CSF1: variants seen among roughly 807,000 people sequenced by gnomAD.
The protein encoded by CSF1 is macrophage colony-stimulating factor 1.
Under a neutral mutation model 48.9 loss-of-function variants are expected in CSF1, and 9 were observed. The observed-to-expected ratio is 0.18, with a 90% CI of 0.11 to 0.32. The LOEUF (loss-of-function observed/expected upper bound fraction) is 0.32. CSF1 is among the 10% of genes least tolerant of loss of function. CSF1 has a pLI of 1.00. For missense variants in CSF1, 672 were observed against 697.9 expected, an observed-to-expected ratio of 0.96 and a Z score of 0.42; for synonymous variants, 305 against 284.1, an observed-to-expected ratio of 1.07 and a Z score of -0.74.
At chr1:109,915,846 G>A (rs1654878538) in intron 3 of CSF1, 150 bp downstream of exon 3, 2 of 698,814 alleles carry the variant, frequency 2.9e-6, no homozygotes, top group Admixed American at 4.3e-5. Flanking sequence ...TGGGGTGCCA[G>A]GATCCAGGGC....
rs1210274366 is a variant in CSF1, at chr1:109,923,763, A to G, written c.1142A>G (p.Asn381Ser). Residue 381 changes from asparagine (N) to serine (S), a missense_variant, in exon 6 of 9, where the codon AAT (asparagine) becomes AGT (serine). Asn to Ser is a conservative substitution (Grantham distance 46). Around this residue, in one of 3 missense-constraint regions of CSF1, gnomAD observed 591 missense variants for 593.6 expected, o/e 1.00. Transcript: ENST00000329608. Reference protein sequence around the residue: ...GPVRPTGQDWNHTPQKTDHPS... With the variant: ...GPVRPTGQDWSHTPQKTDHPS... ...GTGAGGCCCACTGGCCAGGACTGGA[A>G]TCACACCCCCCAGAAGACAGACCAT... 2.5e-6 allele frequency: 4 copies of G among 1,608,790 alleles called. No homozygotes were observed. The highest frequency in any genetic ancestry group is 2.5e-6 in the Non-Finnish European group (3 of 1,177,418).
At chr1:109,924,463 G>C (rs959686766) in intron 6 of CSF1, among the ~76,000 whole-genome samples, 3 of 152,208 alleles carry the variant, frequency 2.0e-5, no homozygotes, top group Admixed American at 6.5e-5. Context: ...ATCCAGACGG[G>C]CAGGGAGCTG....
chr1:109,914,651 C>T (rs1274668911), intron 2 of CSF1, among the ~76,000 whole-genome samples: 1 of 152,250 alleles, frequency 6.6e-6, no homozygotes, highest in African/African-American at 2.4e-5. Context: ...TTAGTGATTG[C>T]CCAGGAACAT....
chr1:109,923,716 C>A lies in CSF1; in HGVS notation c.1095C>A (p.Thr365=), dbSNP rs333970. 936,012 of 1,612,420 alleles carry A rather than the reference C, an allele frequency of 0.58. 279,656 individuals carry two copies. The highest frequency in any genetic ancestry group is 0.61 in the Non-Finnish European group (718,208 of 1,179,144). ...KGQQPADVTG[T]ALPRVGPVRP... Reference sequence around the variant, plus strand: ...AACAGCCGGCAGATGTAACTGGTACCGCCTTGCCCAGGGTGGGCCCCGTGA... The same window carrying A: ...AACAGCCGGCAGATGTAACTGGTACAGCCTTGCCCAGGGTGGGCCCCGTGA... Residue 365 remains threonine (T), a synonymous_variant, in exon 6 of 9, where the codon ACC becomes ACA. Coordinates refer to ENST00000329608, the MANE Select transcript of CSF1 (RefSeq NM_000757.6).
Position 109,910,898 on chromosome 1 carries a change from A to G in CSF1, c.-126A>G, listed in dbSNP as rs943016001. The stretch of plus-strand genomic sequence containing the variant: ...AGTTTGCCTGGGTCCTCTCGGCGCC[A>G]GAGCCGCTCTCCGCATCCCAGGACA... On this transcript the variant is annotated 5_prime_UTR_variant, in exon 1 of 9. Coordinates refer to ENST00000329608, the MANE Select transcript of CSF1 (RefSeq NM_000757.6). The G allele has an allele frequency of 3.1e-6, 2 of 649,702 alleles. No individual in the cohort carries two copies. Among genetic ancestry groups the G allele is most frequent in the African/African-American group, 3.9e-5 (2 of 50,782 alleles). The allele number at this position is 649,702 out of a possible 1,614,324, so 40.2% of individuals were successfully genotyped here.
intron 4 of CSF1, among the ~76,000 whole-genome samples, chr1:109,920,240 T>C (rs1416969480): frequency 6.6e-6 from 1 of 151,538 alleles, no homozygotes. Context: ...ATGAGAAGAC[T>C]GGGCTCAGCT....
chr1:109,913,778 G>A (rs1350302832), intron 1 of CSF1, among the ~76,000 whole-genome samples: 8 of 152,250 alleles, frequency 5.3e-5, no homozygotes, highest in Admixed American at 5.2e-4. Flanking sequence ...CATGGAACCA[G>A]GTGGGAGGAA....
intron 8 of CSF1, among the ~76,000 whole-genome samples, chr1:109,925,635 C>A (rs574490923): frequency 1.2e-4 from 18 of 152,182 alleles, no homozygotes; most frequent in Admixed American, 2.0e-4. Flanking sequence ...GATCGCCACC[C>A]CCGCACCAGT....
At chr1:109,924,739 C>A in intron 6 of CSF1, 37 bp from the exon 7 acceptor site, 2 of 1,556,610 alleles carry the variant, frequency 1.3e-6, no homozygotes, top group Non-Finnish European at 1.7e-6. Context: ...CCCACACTCC[C>A]CCAGCTCCTC....
chr1:109,928,453 G>T (rs544061831), intron 8 of CSF1, among the ~76,000 whole-genome samples: 4 of 152,314 alleles, frequency 2.6e-5, no homozygotes, highest in Non-Finnish European at 5.9e-5. Context: ...ATCACCCTTT[G>T]TTCACTGGAC....
chr1:109,918,061 G>A (rs1027674233), intron 4 of CSF1, among the ~76,000 whole-genome samples: 1 of 152,224 alleles, frequency 6.6e-6, no homozygotes, highest in African/African-American at 2.4e-5. Flanking sequence ...GAGAGCAACA[G>A]GGAACTCAGA....
intron 4 of CSF1, 145 bp downstream of exon 4, chr1:109,917,608 C>G: frequency 1.2e-6 from 1 of 845,374 alleles, no homozygotes; most frequent in Non-Finnish European, 1.9e-6. Flanking sequence ...ATCCCACCAA[C>G]CTTTACCAGG....
At chr1:109,920,531 C>A (rs1647482663) in intron 4 of CSF1, among the ~76,000 whole-genome samples, 1 of 152,146 alleles carries the variant, frequency 6.6e-6, no homozygotes, top group Non-Finnish European at 1.5e-5. Flanking sequence ...GTTGGTCAGG[C>A]TGATCTCGAA....
At position 109,914,378 on chromosome 1, in the gene CSF1, G is replaced by A; in HGVS notation, c.159G>A (p.Arg53=). Residue 53 remains arginine, a synonymous_variant, in exon 2 of 9, where the codon CGG becomes CGA. Coordinates refer to ENST00000329608, the MANE Select transcript of CSF1 (RefSeq NM_000757.6). The part of the protein sequence containing the change: ...IGSGHLQSLQ[R]LIDSQMETSC... ...GTGGACACCTGCAGTCTCTGCAGCG[G>A]CTGGTGAGTGTGTGGCCATGCTGTA... The A allele has an allele frequency of 6.3e-7, 1 of 1,597,634 alleles. No homozygotes were observed. The highest frequency in any genetic ancestry group is 8.5e-7 in the Non-Finnish European group (1 of 1,171,926).
In CSF1 at chr1:109,915,638, A is replaced by C. The variant is rs1654868107; in HGVS notation, c.167A>C (p.Asp56Ala). ...TTGGCCTGCTCTCTCTTACAGATTG[A>C]CAGTCAGATGGAGACCTCGTGCCAA... The part of the protein sequence containing the change: ...GHLQSLQRLI[D>A]SQMETSCQIT... The change falls in exon 3 of 9, where the codon GAC becomes GCC. Residue 56 changes from aspartate to alanine, a missense_variant. Around this residue, in one of 3 missense-constraint regions of CSF1, gnomAD observed 28 missense variants for 58.8 expected, o/e 0.48. Transcript: ENST00000329608. 6.2e-7 allele frequency: 1 copy of C among 1,613,624 alleles called. No individual in the cohort carries two copies. Among genetic ancestry groups the C allele is most frequent in the Admixed American group, 1.7e-5 (1 of 59,998 alleles).
intron 1 of CSF1, among the ~76,000 whole-genome samples, chr1:109,911,565 A>C (rs1456962069): frequency 6.7e-6 from 1 of 150,104 alleles, no homozygotes; most frequent in Non-Finnish European, 1.5e-5. Flanking sequence ...TTGCTGGCAG[A>C]GGGACGGAGA....
intron 8 of CSF1, among the ~76,000 whole-genome samples, chr1:109,927,993 G>T (rs933601763): frequency 9.9e-5 from 15 of 152,206 alleles, no homozygotes; most frequent in Admixed American, 2.0e-4. Flanking sequence ...TCCCTCTAGA[G>T]CATGGGAATG....
chr1:109,923,445 G>A lies in CSF1; in HGVS notation c.824G>A (p.Gly275Asp), dbSNP rs905009865. The A allele has an allele frequency of 1.2e-6, 2 of 1,613,966 alleles. No homozygotes were observed. The highest frequency in any genetic ancestry group is 1.3e-5 in the African/African-American group (1 of 74,900). ...CCAGTTGTCAAGGACAGCACCATCG[G>A]TGGCTCACCACAGCCTCGCCCCTCT... is the stretch of plus-strand genomic sequence containing the variant. ...ETPVVKDSTI[G>D]GSPQPRPSVG... The change falls in exon 6 of 9, where the codon GGT becomes GAT. Residue 275 changes from glycine (G) to aspartate (D), a missense_variant. Transcript: ENST00000329608.
intron 4 of CSF1, among the ~76,000 whole-genome samples, chr1:109,919,700 C>T (rs1647432070): frequency 6.6e-6 from 1 of 151,988 alleles, no homozygotes; most frequent in African/African-American, 2.4e-5. Flanking sequence ...TGGTTCATGC[C>T]TCTAATCCTG....
Sources: gnomAD v4.1 joint callset for allele counts (sites outside exome capture counted in the v4.1 genomes callset) on GRCh38, gnomAD v4.1.1 for gene constraint, gnomAD v4.1.1 regional missense constraint, MANE v1.5 for transcripts, NCBI Gene and HGNC (gene_info 2026-07-23, HGNC 2026-07-21) for gene names.